The following FARP1 variants were observed in gnomAD, a reference collection of about 807,000 sequenced individuals.
The protein encoded by FARP1 is FERM, ARH/RhoGEF and pleckstrin domain protein 1.
Under a neutral mutation model 128.8 loss-of-function variants are expected in FARP1, and 52 were observed. The observed-to-expected ratio is 0.40, with a 90% CI of 0.32 to 0.51. FARP1 has a LOEUF of 0.51. FARP1 is among the 20% of genes least tolerant of loss of function. The pLI, the probability that FARP1 is intolerant of heterozygous loss-of-function variation, is 0.45. For synonymous variants in FARP1, 580 were observed against 551.8 expected, an observed-to-expected ratio of 1.05 and a Z score of -0.72; for missense variants, 1,333 against 1,367.9, an observed-to-expected ratio of 0.97 and a Z score of 0.40.
chr13:98,300,347 G>A (rs1267869252), intron 2 of FARP1, among the ~76,000 whole-genome samples: 5 of 152,170 alleles, frequency 3.3e-5, no homozygotes, highest in African/African-American at 1.2e-4. Context: ...CACGGACCCC[G>A]TGTCTCTCTC....
At chr13:98,324,363 A>T (rs1334237171) in intron 2 of FARP1, among the ~76,000 whole-genome samples, 1 of 152,146 alleles carries the variant, frequency 6.6e-6, no homozygotes, top group Admixed American at 6.5e-5. Flanking sequence ...TGCTGCGCCC[A>T]CTGCTTTTTG....
At position 98,246,251 on chromosome 13, in the gene FARP1, T is replaced by A. The variant is rs1398212799; in HGVS notation, c.171+32838T>A. On this transcript the variant is annotated intron_variant, in intron 2 of 26. Transcript: ENST00000319562. ...GCTAGGACTACAGGCGCCCGCCACC[T>A]CGCCCGGCTAATTTTTTGTATTTTT... 4.0e-5 allele frequency among the ~76,000 whole-genome samples: 6 copies of A among 150,190 alleles called. No individual in the cohort carries two copies. In the South Asian group the frequency reaches 8.6e-4, roughly 21 times the overall value.
chr13:98,273,360 CAA>C (rs1235101106), intron 2 of FARP1, among the ~76,000 whole-genome samples: 2 of 152,196 alleles, frequency 1.3e-5, no homozygotes, highest in South Asian at 4.1e-4. Context: ...CTTGCTGTCA[CAA>C]AGAGTCTGTT....
chr13:98,297,551 G>C (rs1328279389), intron 2 of FARP1, among the ~76,000 whole-genome samples: 1 of 152,194 alleles, frequency 6.6e-6, no homozygotes, highest in Non-Finnish European at 1.5e-5. Flanking sequence ...CTGTAGGTAC[G>C]ATAATTTTAA....
At chr13:98,437,786 T>G (rs35861926) in intron 19 of FARP1, 434,854 of 1,578,204 alleles carry the variant, frequency 0.28, 63,537 homozygotes, top group Non-Finnish European at 0.3. Context: ...TTTCCCTTAT[T>G]AGGACTCCAC....
chr13:98,434,571 G>C (rs72652232), intron 18 of FARP1: 1 of 152,180 alleles, frequency 6.6e-6, no homozygotes, highest in Non-Finnish European at 1.5e-5. Flanking sequence ...GTGCTCAGCC[G>C]CTGGGGACTT....
At chr13:98,320,381 G>A (rs374445625) in intron 2 of FARP1, among the ~76,000 whole-genome samples, 4 of 152,250 alleles carry the variant, frequency 2.6e-5, no homozygotes, top group South Asian at 2.1e-4. Flanking sequence ...CAGTTTGCCC[G>A]TCACCACTTG....
At chr13:98,366,429 G>A (rs1889087545) in intron 4 of FARP1, among the ~76,000 whole-genome samples, 1 of 152,188 alleles carries the variant, frequency 6.6e-6, no homozygotes, top group South Asian at 2.1e-4. Context: ...GGCAGGCAAC[G>A]ACTAGTGTTG....
intron 6 of FARP1, among the ~76,000 whole-genome samples, chr13:98,381,968 C>T (rs550886135): frequency 6.6e-6 from 1 of 151,988 alleles, no homozygotes; most frequent in Non-Finnish European, 1.5e-5. Flanking sequence ...GCCTAGGCAA[C>T]ATAGTGAGAC....
At chr13:98,194,560 CA>C (rs1191196885) in intron 1 of FARP1, among the ~76,000 whole-genome samples, 2 of 152,178 alleles carry the variant, frequency 1.3e-5, no homozygotes, top group African/African-American at 4.8e-5. Flanking sequence ...CAAAAAATTG[CA>C]ACCTCAGGCA....
intron 2 of FARP1, among the ~76,000 whole-genome samples, chr13:98,335,858 A>G (rs1165542973): frequency 6.6e-6 from 1 of 152,192 alleles, no homozygotes; most frequent in East Asian, 1.9e-4. Context: ...AGAAGGGCAC[A>G]AGGCCTTCGA....
chr13:98,386,434 A>G (rs894529585), intron 8 of FARP1, among the ~76,000 whole-genome samples: 28 of 152,188 alleles, frequency 1.8e-4, no homozygotes, highest in African/African-American at 5.8e-4. Flanking sequence ...TCATTCTGCT[A>G]TTGGACTGTT....
Position 98,168,180 on chromosome 13 carries a change from A to T in FARP1, c.-24+24688A>T, listed in dbSNP as rs1314040488. Among the ~76,000 whole-genome samples, 7 of 151,932 alleles carry T rather than the reference A, an allele frequency of 4.6e-5. No individual in the cohort carries two copies. The East Asian group carries it at 9.7e-4, about 21-fold the overall frequency. ...GAGTGAGACTCCATCTCAAAAAAAA[A>T]AAATAAAATAAATAAATAAAAAAGT... On this transcript the variant is annotated intron_variant, in intron 1 of 26. Coordinates refer to ENST00000319562, the MANE Select transcript of FARP1 (RefSeq NM_005766.4).
At chr13:98,281,269 C>T (rs184061006) in intron 2 of FARP1, among the ~76,000 whole-genome samples, 4 of 152,180 alleles carry the variant, frequency 2.6e-5, no homozygotes, top group Admixed American at 2.0e-4. Flanking sequence ...AGGGGAATTG[C>T]TTGATCCCAG....
In FARP1 at chr13:98,360,074, T is replaced by C. The variant is rs372310849; in HGVS notation, c.277-5321T>C. Among the ~76,000 whole-genome samples, 31 of 150,934 alleles carry C rather than the reference T, an allele frequency of 2.1e-4. 1 individual carries two copies. Among genetic ancestry groups the C allele is most frequent in the African/African-American group, 7.5e-4 (31 of 41,216 alleles). Reference sequence around the variant, plus strand: ...CTGAATTCCTCAGAATGTGAGTGTATTCAGAGATTGTGTTGCTTTTTTTTT... The same window carrying C: ...CTGAATTCCTCAGAATGTGAGTGTACTCAGAGATTGTGTTGCTTTTTTTTT... On this transcript the variant is annotated intron_variant, in intron 3 of 26. Transcript: ENST00000319562.
chr13:98,360,412 A>C (rs1224183522), intron 3 of FARP1, among the ~76,000 whole-genome samples: 2 of 152,156 alleles, frequency 1.3e-5, no homozygotes, highest in African/African-American at 4.8e-5. Flanking sequence ...GAGGTGATTA[A>C]GTTAAAGCGA....
At chr13:98,172,758 TTAAAG>T (rs2139169171) in intron 1 of FARP1, among the ~76,000 whole-genome samples, 1 of 152,284 alleles carries the variant, frequency 6.6e-6, no homozygotes, top group East Asian at 1.9e-4. Flanking sequence ...TGACATTCGT[TTAAAG>T]GAAGAAAGAA....
At chr13:98,147,614 C>A (rs1189219066) in intron 1 of FARP1, among the ~76,000 whole-genome samples, 1 of 151,638 alleles carries the variant, frequency 6.6e-6, no homozygotes, top group African/African-American at 2.4e-5. Context: ...AGTTTTTGTT[C>A]TTGTTCATTC....
chr13:98,145,784 C>T (rs1214873104), intron 1 of FARP1, among the ~76,000 whole-genome samples: 2 of 150,800 alleles, frequency 1.3e-5, no homozygotes, highest in East Asian at 1.9e-4. Context: ...ATCGCCTGAA[C>T]CCAGGAGGCG....
Sources: allele counts gnomAD v4.1 joint callset (sites outside exome capture counted in the v4.1 genomes callset), GRCh38; gene constraint gnomAD v4.1.1; transcripts MANE v1.5; gene names NCBI Gene and HGNC (gene_info 2026-07-23, HGNC 2026-07-21).